ZMAT4: variants seen among roughly 807,000 people sequenced by gnomAD.
ZMAT4 encodes zinc finger matrin-type protein 4.
In ZMAT4, 17 loss-of-function variants were observed where a neutral mutation model predicts 28.7. The ratio of observed to expected loss-of-function variants is 0.59; its 90% CI spans 0.41 to 0.89. The LOEUF is 0.89. ZMAT4 is among the 40% of genes least tolerant of loss of function. ZMAT4 has a pLI of 0.00. For synonymous variants in ZMAT4, 117 were observed against 109.2 expected, an observed-to-expected ratio of 1.07 and a Z score of -0.44; for missense variants, 240 against 283.8, an observed-to-expected ratio of 0.85 and a Z score of 1.11.
intron 1 of ZMAT4, among the ~76,000 whole-genome samples, chr8:40,862,398 T>C (rs1256895843): frequency 1.2e-4 from 13 of 104,614 alleles, no homozygotes; most frequent in Admixed American, 2.6e-4. Context: ...GGAAGGGGAA[T>C]ATCACACTCT....
intron 1 of ZMAT4, among the ~76,000 whole-genome samples, chr8:40,843,758 A>C (rs1377126220): frequency 6.6e-6 from 1 of 152,214 alleles, no homozygotes; most frequent in Non-Finnish European, 1.5e-5. Flanking sequence ...GAATGTGTGC[A>C]TGCAAGTCAT....
chr8:40,887,277 T>C (rs1818491204), intron 1 of ZMAT4, among the ~76,000 whole-genome samples: 1 of 150,994 alleles, frequency 6.6e-6, no homozygotes, highest in Admixed American at 6.6e-5. Context: ...TCACCTGAGG[T>C]TGGGAGTTCA....
At chr8:40,866,695 G>T (rs1215905525) in intron 1 of ZMAT4, among the ~76,000 whole-genome samples, 2 of 152,128 alleles carry the variant, frequency 1.3e-5, no homozygotes, top group Admixed American at 6.5e-5. Context: ...ATGCAAGAGG[G>T]AGTTTTTGCT....
At chr8:40,796,014 G>A (rs1814580641) in intron 2 of ZMAT4, among the ~76,000 whole-genome samples, 1 of 152,108 alleles carries the variant, frequency 6.6e-6, no homozygotes, top group African/African-American at 2.4e-5. Context: ...AGCAACTCTG[G>A]TGTGTGAAGA....
At chr8:40,634,571 A>C (rs1245025359) in intron 5 of ZMAT4, among the ~76,000 whole-genome samples, 1 of 152,232 alleles carries the variant, frequency 6.6e-6, no homozygotes, top group African/African-American at 2.4e-5. Flanking sequence ...AATGTCATGC[A>C]TCAAGCAGTT....
At chr8:40,821,755 T>C (rs1221669299) in intron 2 of ZMAT4, among the ~76,000 whole-genome samples, 1 of 152,182 alleles carries the variant, frequency 6.6e-6, no homozygotes, top group Non-Finnish European at 1.5e-5. Context: ...TTTAGAAATA[T>C]TCAGTTATAG....
intron 2 of ZMAT4, among the ~76,000 whole-genome samples, chr8:40,822,858 G>A (rs570305428): frequency 6.6e-6 from 1 of 152,260 alleles, no homozygotes; most frequent in East Asian, 1.9e-4. Flanking sequence ...ACTGTTAATT[G>A]CAGATCTGTT....
intron 1 of ZMAT4, among the ~76,000 whole-genome samples, chr8:40,881,064 G>T (rs1180004828): frequency 6.6e-6 from 1 of 152,088 alleles, no homozygotes; most frequent in African/African-American, 2.4e-5. Flanking sequence ...TGGAATTTAT[G>T]TAAGCCTTGA....
At chr8:40,568,547 G>C (rs1179878636) in intron 6 of ZMAT4, among the ~76,000 whole-genome samples, 1 of 152,150 alleles carries the variant, frequency 6.6e-6, no homozygotes, top group Admixed American at 6.5e-5. Context: ...TTTTGGGATA[G>C]AAGTATTGAG....
intron 5 of ZMAT4, among the ~76,000 whole-genome samples, chr8:40,601,405 A>AAGG (rs3039809): frequency 0.25 from 17,856 of 72,184 alleles, 4,739 homozygotes; most frequent in Non-Finnish European, 0.3. Context: ...AGGAGGAAAG[A>AAGG]AAGGAAGGAA....
intron 2 of ZMAT4, among the ~76,000 whole-genome samples, chr8:40,820,080 A>T (rs1815693001): frequency 6.6e-6 from 1 of 151,782 alleles, no homozygotes; most frequent in Non-Finnish European, 1.5e-5. Flanking sequence ...TCCATTATAC[A>T]CCATTTCACT....
chr8:40,805,908 G>A (rs1815066303), intron 2 of ZMAT4, among the ~76,000 whole-genome samples: 1 of 151,762 alleles, frequency 6.6e-6, no homozygotes, highest in Non-Finnish European at 1.5e-5. Flanking sequence ...CCTGCACATT[G>A]CGCACATGTA....
At chr8:40,720,683 T>C (rs1811046885) in intron 3 of ZMAT4, among the ~76,000 whole-genome samples, 1 of 151,938 alleles carries the variant, frequency 6.6e-6, no homozygotes, top group South Asian at 2.1e-4. Flanking sequence ...ACCCACACCA[T>C]GATCAGCTAA....
At chr8:40,857,395 G>A (rs1817337161) in intron 1 of ZMAT4, among the ~76,000 whole-genome samples, 1 of 151,632 alleles carries the variant, frequency 6.6e-6, no homozygotes, top group Admixed American at 6.6e-5. Flanking sequence ...AAACAGAAAA[G>A]ATGGGTCTAA....
intron 5 of ZMAT4, among the ~76,000 whole-genome samples, chr8:40,669,033 C>T (rs984399190): frequency 6.6e-6 from 1 of 152,068 alleles, no homozygotes; most frequent in Admixed American, 6.6e-5. Flanking sequence ...GCTCATTACA[C>T]ACAGTACTCT....
At chr8:40,832,293 C>T (rs1269806265) in intron 1 of ZMAT4, among the ~76,000 whole-genome samples, 2 of 152,226 alleles carry the variant, frequency 1.3e-5, no homozygotes, top group Admixed American at 1.3e-4. Flanking sequence ...TGCTCAGACT[C>T]TCTTTTCTGT....
intron 5 of ZMAT4, 188 bp downstream of exon 5, chr8:40,674,514 CAA>C (rs1417880067): frequency 3.5e-6 from 2 of 575,592 alleles, no homozygotes; most frequent in Admixed American, 3.0e-5. Context: ...CACTTTGAAA[CAA>C]AGGAGATTAT....
chr8:40,850,915 C>G (rs1053671621), intron 1 of ZMAT4, among the ~76,000 whole-genome samples: 1 of 152,148 alleles, frequency 6.6e-6, no homozygotes, highest in Non-Finnish European at 1.5e-5. Context: ...TGCGGCATAT[C>G]TATCATTATT....
chr8:40,816,873 C>T (rs1206911752), intron 2 of ZMAT4, among the ~76,000 whole-genome samples: 2 of 152,152 alleles, frequency 1.3e-5, no homozygotes, highest in African/African-American at 2.4e-5. Flanking sequence ...AAATTTGGGA[C>T]ATAGAGAATT....
Sources: allele counts gnomAD v4.1 joint callset (sites outside exome capture counted in the v4.1 genomes callset), GRCh38; gene constraint gnomAD v4.1.1; transcripts MANE v1.5; gene names NCBI Gene and HGNC (gene_info 2026-07-23, HGNC 2026-07-21).